The following CMYA5 variants were observed in gnomAD, a reference collection of about 807,000 sequenced individuals.
The protein encoded by CMYA5 is cardiomyopathy-associated protein 5.
A neutral mutation model predicts 318.9 loss-of-function variants in CMYA5; 246 were observed. The ratio of observed to expected loss-of-function variants is 0.77; its 90% CI spans 0.70 to 0.86. CMYA5 has a LOEUF of 0.86. Ranked by LOEUF, CMYA5 falls within the 40% of genes least tolerant of loss-of-function variation. CMYA5 has a pLI of 0.00. For missense variants in CMYA5, 4,589 were observed against 4,678.2 expected, an observed-to-expected ratio of 0.98 and a Z score of 0.56; for synonymous variants, 1,641 against 1,729.5, an observed-to-expected ratio of 0.95 and a Z score of 1.27.
intron 1 of CMYA5, among the ~76,000 whole-genome samples, chr5:79,690,468 C>T (rs1826946630): frequency 6.6e-6 from 1 of 152,028 alleles, no homozygotes; most frequent in Non-Finnish European, 1.5e-5. Flanking sequence ...GCGGTCTCCC[C>T]GGGGGCCTAG....
chr5:79,759,395 T>C (rs1050618796), intron 7 of CMYA5, among the ~76,000 whole-genome samples: 6 of 152,334 alleles, frequency 3.9e-5, no homozygotes, highest in Admixed American at 3.9e-4. Context: ...CTGTCTTTGC[T>C]AAAAGCCACC....
At chr5:79,745,134 C>A (rs1828291521) in intron 3 of CMYA5, 88 bp from the exon 4 acceptor site, 1 of 810,862 alleles carries the variant, frequency 1.2e-6, no homozygotes, top group Admixed American at 2.9e-5. Context: ...GAGGTCAATT[C>A]TTTAAAAGGC....
chr5:79,724,197 G>A (rs1017708650), intron 1 of CMYA5, among the ~76,000 whole-genome samples: 5 of 151,694 alleles, frequency 3.3e-5, no homozygotes, highest in Admixed American at 6.6e-5. Context: ...GGTGGTGCCC[G>A]CCTGTAATCC....
rs2151100267 is a variant in CMYA5, at chr5:79,789,119, G to T, written c.11689+15G>T. ...CTCCACCAGAGGTACTTTCTCCTTTGCACACAGTGAGCTATTTCCAAGCTA... is the reference window on the plus strand; with the variant it reads ...CTCCACCAGAGGTACTTTCTCCTTTTCACACAGTGAGCTATTTCCAAGCTA... On this transcript the variant is annotated intron_variant, in intron 10 of 12. Transcript: ENST00000446378. The T allele has an allele frequency of 6.2e-7, 1 of 1,613,152 alleles. No homozygotes were observed. Among genetic ancestry groups the T allele is most frequent in the East Asian group, 2.2e-5 (1 of 44,822 alleles).
At chr5:79,748,458 A>G (rs1293145635) in intron 5 of CMYA5, among the ~76,000 whole-genome samples, 1 of 152,176 alleles carries the variant, frequency 6.6e-6, no homozygotes. Flanking sequence ...CACACCAATC[A>G]GGTCTAGAAA....
chr5:79,731,344 C>T lies in CMYA5; in HGVS notation c.2579C>T (p.Thr860Ile), dbSNP rs1183962640. The T allele has an allele frequency of 1.9e-6, 3 of 1,613,998 alleles. No homozygotes were observed. Among genetic ancestry groups the T allele is most frequent in the Non-Finnish European group, 2.5e-6 (3 of 1,179,890 alleles). The stretch of plus-strand genomic sequence containing the variant: ...TCTGAACACTCTTTCCCACCACACA[C>T]AACCGAGATGACTTCTGAATGCCAG... ...VASEHSFPPH[T>I]TEMTSECQAP... Residue 860 changes from threonine (T) to isoleucine (I), a missense_variant, in exon 2 of 13, where the codon ACA (threonine) becomes ATA (isoleucine). By Grantham distance (89) the Thr-to-Ile change is moderately conservative. This residue lies in a region of CMYA5 where 2,132 missense variants were observed against 2,131.3 expected (regional missense o/e 1.00). Transcript: ENST00000446378.
At chr5:79,712,515 T>A (rs1185506942) in intron 1 of CMYA5, among the ~76,000 whole-genome samples, 1 of 151,910 alleles carries the variant, frequency 6.6e-6, no homozygotes, top group Non-Finnish European at 1.5e-5. Flanking sequence ...ACCCGGCCTA[T>A]TTTTTTTCTT....
At position 79,737,603 on chromosome 5, in the gene CMYA5, C is replaced by A; in HGVS notation, c.8838C>A (p.Ile2946=). 4.3e-6 allele frequency: 7 copies of A among 1,613,674 alleles called. No individual in the cohort carries two copies. The highest frequency in any genetic ancestry group is 1.7e-5 in the Admixed American group (1 of 59,942). ...AAGATCAGAAGACTGCCTTTAGTATCATTTCTGAAGGCTGTGAGATATTGA... is the reference window on the plus strand; with the variant it reads ...AAGATCAGAAGACTGCCTTTAGTATAATTTCTGAAGGCTGTGAGATATTGA... The part of the protein sequence containing the change: ...LSEDQKTAFS[I]ISEGCEILNI... The change falls in exon 2 of 13, where the codon ATC becomes ATA. Residue 2946 remains isoleucine, a synonymous_variant. Coordinates refer to ENST00000446378, the MANE Select transcript of CMYA5 (RefSeq NM_153610.5).
In CMYA5 at chr5:79,712,065, A is replaced by G. The variant is rs191106795; in HGVS notation, c.150-16850A>G. 3.6e-4 allele frequency among the ~76,000 whole-genome samples: 55 copies of G among 152,248 alleles called. 1 individual carries two copies. In the East Asian group the frequency reaches 4.1e-3, roughly 11 times the overall value. The stretch of plus-strand genomic sequence containing the variant: ...TTTATCCAAACAGGCCCGGAGAACC[A>G]ACACACTGCCACCCAAGTCTGTCTG... On this transcript the variant is annotated intron_variant, in intron 1 of 12. Transcript: ENST00000446378.
At chr5:79,703,393 A>G (rs1044916627) in intron 1 of CMYA5, among the ~76,000 whole-genome samples, 8 of 152,232 alleles carry the variant, frequency 5.3e-5, no homozygotes, top group African/African-American at 1.9e-4. Context: ...ATTTTACAAT[A>G]AGAACAAAAA....
At chr5:79,725,015 C>T (rs368921291) in intron 1 of CMYA5, among the ~76,000 whole-genome samples, 5 of 152,290 alleles carry the variant, frequency 3.3e-5, no homozygotes, top group African/African-American at 9.6e-5. Flanking sequence ...TGAAGTTTTC[C>T]CTTCTGTATG....
At chr5:79,774,591 A>G (rs985166952) in intron 9 of CMYA5, 3 of 152,348 alleles carry the variant, frequency 2.0e-5, no homozygotes, top group Non-Finnish European at 4.4e-5. Flanking sequence ...GCCAGAAAGT[A>G]GCTGGGAGTG....
intron 9 of CMYA5, 47 bp from the exon 10 acceptor site, chr5:79,788,924 A>T (rs747241818): frequency 6.4e-7 from 1 of 1,558,132 alleles, no homozygotes; most frequent in African/African-American, 1.4e-5. Context: ...GGAATCATTT[A>T]GCATGTGGCA....
chr5:79,749,773 A>T (rs1828396828), intron 5 of CMYA5, among the ~76,000 whole-genome samples: 1 of 152,246 alleles, frequency 6.6e-6, no homozygotes, highest in African/African-American at 2.4e-5. Flanking sequence ...GTACTAAATC[A>T]TAACTGCATA....
chr5:79,793,620 C>T lies in CMYA5; in HGVS notation c.11963+10C>T, dbSNP rs377018477. On this transcript the variant is annotated intron_variant, in intron 12 of 12. Transcript: ENST00000446378. Reference sequence around the variant, plus strand: ...GCTCTGAGCCACAGAGGTAAGCGAGCCCTTCCCCTCCCCTCTTCATCAAAA... The same window carrying T: ...GCTCTGAGCCACAGAGGTAAGCGAGTCCTTCCCCTCCCCTCTTCATCAAAA... 1 of 1,582,636 alleles carries T rather than the reference C, an allele frequency of 6.3e-7. No homozygotes were observed. The highest frequency in any genetic ancestry group is 2.3e-5 in the East Asian group (1 of 44,080).
Position 79,736,870 on chromosome 5 carries a change from C to G in CMYA5, c.8105C>G (p.Ala2702Gly). 6.2e-7 allele frequency: 1 copy of G among 1,610,250 alleles called. No individual in the cohort carries two copies. Among genetic ancestry groups the G allele is most frequent in the Non-Finnish European group, 8.5e-7 (1 of 1,179,214 alleles). The change falls in exon 2 of 13, where the codon GCA (alanine) becomes GGA (glycine). Residue 2702 changes from alanine (A) to glycine (G), a missense_variant. Coordinates refer to ENST00000446378, the MANE Select transcript of CMYA5 (RefSeq NM_153610.5). The stretch of plus-strand genomic sequence containing the variant: ...GTGAAACAAGGATTTCAAGAAAAGG[C>G]AGTAGGAACCCAACCACGTCCTTTA... ...ETVKQGFQEK[A>G]VGTQPRPLEE...
intron 1 of CMYA5, among the ~76,000 whole-genome samples, chr5:79,723,458 A>G (rs568188514): frequency 2.0e-5 from 3 of 150,020 alleles, no homozygotes; most frequent in Admixed American, 6.6e-5. Flanking sequence ...AAAAAAAAAA[A>G]AGAAAAGAAA....
intron 2 of CMYA5, among the ~76,000 whole-genome samples, chr5:79,742,048 CTCTTCTTCTTCT>C (rs200715392): frequency 0.056 from 5,699 of 102,388 alleles, 160 homozygotes; most frequent in East Asian, 0.11. Flanking sequence ...CCTCTTTCTC[CTCTTCTTCTTCT>C]TCTTCTTCTT....
Position 79,799,632 on chromosome 5 carries a change from A to ACAGC in CMYA5, c.*16_*17insCAGC. 6.3e-7 allele frequency: 1 copy of ACAGC among 1,597,686 alleles called. No individual in the cohort carries two copies. Among genetic ancestry groups the ACAGC allele is most frequent in the Non-Finnish European group, 8.6e-7 (1 of 1,168,656 alleles). ...GCACAAGTGATCCTTGGCTTTCAGA[A>ACAGC]TTTGCAAGAACAGCGATTTGAATTT... On this transcript the variant is annotated 3_prime_UTR_variant, in exon 13 of 13. Coordinates refer to ENST00000446378, the MANE Select transcript of CMYA5 (RefSeq NM_153610.5).
Sources: gnomAD v4.1 joint callset for allele counts (sites outside exome capture counted in the v4.1 genomes callset) on GRCh38, gnomAD v4.1.1 for gene constraint, gnomAD v4.1.1 regional missense constraint, MANE v1.5 for transcripts, NCBI Gene and HGNC (gene_info 2026-07-23, HGNC 2026-07-21) for gene names.